GNAO1: variants seen among roughly 807,000 people sequenced by gnomAD.
GNAO1 encodes the protein guanine nucleotide-binding protein G(o) subunit alpha.
For synonymous variants in GNAO1, 164 were observed against 180.7 expected, an observed-to-expected ratio of 0.91 and a Z score of 0.74; for missense variants, 166 against 478.7, an observed-to-expected ratio of 0.35 and a Z score of 6.10.
intron 2 of GNAO1, among the ~76,000 whole-genome samples, chr16:56,221,667 A>T (rs2036490223): frequency 2.6e-5 from 4 of 151,788 alleles, no homozygotes; most frequent in Admixed American, 2.0e-4. Flanking sequence ...AAAAAAAAAA[A>T]AAAAAAACAT....
intron 3 of GNAO1, among the ~76,000 whole-genome samples, chr16:56,304,395 T>C (rs1412398072): frequency 6.6e-6 from 1 of 152,260 alleles, no homozygotes; most frequent in Non-Finnish European, 1.5e-5. Context: ...TCCAGGAAGA[T>C]GCCATTAATG....
intron 3 of GNAO1, among the ~76,000 whole-genome samples, chr16:56,294,499 T>C (rs950034016): frequency 8.5e-5 from 13 of 152,106 alleles, no homozygotes; most frequent in African/African-American, 2.7e-4. Flanking sequence ...GTAAACATCA[T>C]TTGTTTGTCC....
chr16:56,215,015 C>T (rs920627625), intron 2 of GNAO1, among the ~76,000 whole-genome samples: 4 of 152,138 alleles, frequency 2.6e-5, no homozygotes, highest in African/African-American at 7.2e-5. Context: ...GTGTAGTGCA[C>T]CACACTGATC....
At chr16:56,314,640 C>T (rs1227401652) in intron 3 of GNAO1, among the ~76,000 whole-genome samples, 3 of 152,178 alleles carry the variant, frequency 2.0e-5, no homozygotes, top group African/African-American at 7.2e-5. Flanking sequence ...CTCTGCAGCC[C>T]GGCGCCGAGT....
At chr16:56,201,240 T>C (rs572939030) in intron 2 of GNAO1, among the ~76,000 whole-genome samples, 7 of 152,320 alleles carry the variant, frequency 4.6e-5, no homozygotes, top group Admixed American at 2.6e-4. Context: ...GACAATGGCA[T>C]GTGAACTGAG....
At chr16:56,297,267 C>A (rs895399993) in intron 3 of GNAO1, among the ~76,000 whole-genome samples, 1 of 152,134 alleles carries the variant, frequency 6.6e-6, no homozygotes, top group African/African-American at 2.4e-5. Context: ...CCAGAGCTCA[C>A]AGAACACTCA....
At chr16:56,246,568 C>T (rs2036746131) in intron 2 of GNAO1, among the ~76,000 whole-genome samples, 1 of 152,190 alleles carries the variant, frequency 6.6e-6, no homozygotes, top group Admixed American at 6.5e-5. Context: ...CTGAGAGGCA[C>T]GAGGACCCAG....
chr16:56,214,565 C>T (rs566705866), intron 2 of GNAO1, among the ~76,000 whole-genome samples: 1 of 152,300 alleles, frequency 6.6e-6, no homozygotes, highest in Admixed American at 6.5e-5. Context: ...GTAAACAGGA[C>T]GTTTTTAAAA....
chr16:56,328,477 G>A (rs948902387), intron 3 of GNAO1, among the ~76,000 whole-genome samples, 154 bp from the exon 4 acceptor site: 6 of 152,210 alleles, frequency 3.9e-5, no homozygotes, highest in Admixed American at 6.5e-5. Flanking sequence ...TGCTCAGGTC[G>A]TGGCCCTCCC....
chr16:56,208,111 C>T (rs570428252), intron 2 of GNAO1, among the ~76,000 whole-genome samples: 1 of 152,182 alleles, frequency 6.6e-6, no homozygotes, highest in African/African-American at 2.4e-5. Context: ...TGGAATCATG[C>T]TATTTGTATC....
At chr16:56,301,647 GTTC>G (rs1414768819) in intron 3 of GNAO1, 6 of 152,060 alleles carry the variant, frequency 3.9e-5, no homozygotes, top group Admixed American at 1.3e-4. Context: ...GTTTTGGTGA[GTTC>G]TTCTTTACCA....
At chr16:56,209,747 G>A (rs951182514) in intron 2 of GNAO1, among the ~76,000 whole-genome samples, 41 of 151,544 alleles carry the variant, frequency 2.7e-4, no homozygotes, top group African/African-American at 8.7e-4. Flanking sequence ...TTTTTTTTAA[G>A]AGCAGTTTTA....
chr16:56,313,711 G>C (rs1183515860), intron 3 of GNAO1, among the ~76,000 whole-genome samples: 12 of 152,192 alleles, frequency 7.9e-5, no homozygotes, highest in Non-Finnish European at 1.5e-4. Context: ...GAATCTGAAA[G>C]TATATCAATG....
At chr16:56,192,418 TC>T in intron 1 of GNAO1, 65 bp downstream of exon 1, 1 of 533,614 alleles carries the variant, frequency 1.9e-6, no homozygotes, top group Non-Finnish European at 2.6e-6. Context: ...TGCCACCAGC[TC>T]CCCCACCCCA....
rs781523996 is a variant in GNAO1, at chr16:56,351,561, A to AG, written c.877+29dup. The AG allele has an allele frequency of 1.9e-6, 3 of 1,596,948 alleles. No homozygotes were observed. The highest frequency in any genetic ancestry group is 2.6e-6 in the Non-Finnish European group (3 of 1,169,552). ...AGGTGGGTGCCAGGCAGTCCTGTGC[A>AG]GGGGGAAGCCTGCCCCTGACAGGGA... On this transcript the variant is annotated intron_variant, in intron 7 of 8. Coordinates refer to ENST00000262493, the MANE Select transcript of GNAO1 (RefSeq NM_020988.3). This position sits in a 1 kb window ranked among gnomAD's most constrained non-coding sequence, Gnocchi z 6.1.
intron 2 of GNAO1, among the ~76,000 whole-genome samples, chr16:56,247,419 A>G (rs1291588597): frequency 2.0e-5 from 3 of 150,962 alleles, no homozygotes; most frequent in Non-Finnish European, 4.4e-5. Context: ...CCTTTAAAAC[A>G]TAGGTGGTTT....
chr16:56,354,266 G>A lies in GNAO1; in HGVS notation c.878-600G>A, dbSNP rs572239105. 7.2e-5 allele frequency among the ~76,000 whole-genome samples: 11 copies of A among 152,368 alleles called. No individual in the cohort carries two copies. Among genetic ancestry groups the A allele is most frequent in the Admixed American group, 2.0e-4 (3 of 15,310 alleles). ...CACTGCTGTCCCAGGCGGGGCTTCC[G>A]GGTGGATCTGGTGTGAAAACAGTAA... On this transcript the variant is annotated intron_variant, in intron 7 of 8. Coordinates refer to ENST00000262493, the MANE Select transcript of GNAO1 (RefSeq NM_020988.3). This position sits in a 1 kb window ranked among gnomAD's most constrained non-coding sequence, Gnocchi z 4.3.
At chr16:56,337,746 G>T (rs1172251860) in intron 6 of GNAO1, among the ~76,000 whole-genome samples, 4 of 152,338 alleles carry the variant, frequency 2.6e-5, no homozygotes, top group Non-Finnish European at 5.9e-5. Flanking sequence ...GCTGGTGGTT[G>T]TACAGTTGCT....
intron 6 of GNAO1, among the ~76,000 whole-genome samples, chr16:56,341,295 G>A (rs1419302890): frequency 7.2e-5 from 11 of 152,224 alleles, no homozygotes; most frequent in African/African-American, 2.4e-4. Flanking sequence ...AGCAAACGCC[G>A]AGAAGATGAG....
Sources: gnomAD v4.1 joint callset for allele counts (sites outside exome capture counted in the v4.1 genomes callset) on GRCh38, gnomAD v4.1.1 for gene constraint, Gnocchi (gnomAD v3.1) non-coding constraint, MANE v1.5 for transcripts, NCBI Gene and HGNC (gene_info 2026-07-23, HGNC 2026-07-21) for gene names.